RERE: variants seen among roughly 807,000 people sequenced by gnomAD.
RERE encodes the protein arginine-glutamic acid dipeptide repeats protein.
RERE carries 40 observed loss-of-function variants against 146.1 expected under a neutral mutation model. That is an observed-to-expected ratio of 0.27 (90% CI 0.21 to 0.36). The LOEUF (loss-of-function observed/expected upper bound fraction) is 0.36, where lower values mean the gene tolerates loss of function less well. RERE is among the 10% of genes least tolerant of loss of function. RERE has a pLI of 1.00. For missense variants in RERE, 1,933 were observed against 2,138.7 expected, an observed-to-expected ratio of 0.90 and a Z score of 1.90; for synonymous variants, 1,003 against 866.0, an observed-to-expected ratio of 1.16 and a Z score of -2.78.
intron 7 of RERE, among the ~76,000 whole-genome samples, chr1:8,517,395 T>C (rs1645434483): frequency 6.6e-6 from 1 of 152,210 alleles, no homozygotes; most frequent in Non-Finnish European, 1.5e-5. Context: ...ATTTATTTTT[T>C]CCTTATGTTT....
At chr1:8,559,280 C>CAAAAAAAA (rs548075266) in intron 4 of RERE, among the ~76,000 whole-genome samples, 28 of 12,064 alleles carry the variant, frequency 2.3e-3, no homozygotes, top group East Asian at 7.1e-3. Context: ...AACTCCAGCT[C>CAAAAAAAA]AAAAAAAAAA....
chr1:8,701,320 ACACG>A (rs1235865373), intron 1 of RERE, among the ~76,000 whole-genome samples: 5,685 of 32,504 alleles, frequency 0.17, 157 homozygotes, highest in African/African-American at 0.35. Flanking sequence ...ACACACACAC[ACACG>A]CACACACTCC....
Position 8,364,350 on chromosome 1 carries a change from C to A in RERE, c.1541-95G>T, listed in dbSNP as rs72864281. ...GGCCCTTCTGTGGGCTCTACCCAAACCTGATGCCACCAGCACCATGCAGCC... is the reference window on the plus strand; with the variant it reads ...GGCCCTTCTGTGGGCTCTACCCAAAACTGATGCCACCAGCACCATGCAGCC... On this transcript the variant is annotated intron_variant, in intron 14 of 22. Coordinates refer to ENST00000400908, the MANE Select transcript of RERE (RefSeq NM_001042681.2). This position sits in a 1 kb window ranked among gnomAD's most constrained non-coding sequence, Gnocchi z 5.1. 5,249 of 1,061,216 alleles carry A rather than the reference C, an allele frequency of 4.9e-3. 189 individuals carry two copies. In the African/African-American group the frequency reaches 0.073, roughly 15 times the overall value. 65.7% of individuals were successfully genotyped at this position (1,061,216 alleles called of 1,614,324 possible).
At chr1:8,391,632 G>A (rs568241323) in intron 12 of RERE, among the ~76,000 whole-genome samples, 1 of 152,124 alleles carries the variant, frequency 6.6e-6, no homozygotes, top group East Asian at 1.9e-4. Context: ...CTTAAGTTAG[G>A]TCCCCCTGTT....
chr1:8,711,170 A>C (rs1452565792), intron 1 of RERE, among the ~76,000 whole-genome samples: 1 of 150,130 alleles, frequency 6.7e-6, no homozygotes, highest in African/African-American at 2.4e-5. Flanking sequence ...AAAAAAAAAA[A>C]AAAAAAAAAA....
intron 11 of RERE, among the ~76,000 whole-genome samples, chr1:8,443,031 A>C (rs112198743): frequency 1.3e-5 from 2 of 152,354 alleles, no homozygotes; most frequent in African/African-American, 4.8e-5. Flanking sequence ...CAAAGTATTC[A>C]AGATGTGACC....
intron 3 of RERE, among the ~76,000 whole-genome samples, chr1:8,617,451 T>C (rs1487435720): frequency 2.6e-5 from 4 of 151,692 alleles, no homozygotes; most frequent in South Asian, 2.1e-4. Context: ...TTGGATATAA[T>C]AGCTGAAAAT....
At chr1:8,570,610 T>C (rs963868920) in intron 4 of RERE, among the ~76,000 whole-genome samples, 10 of 152,164 alleles carry the variant, frequency 6.6e-5, no homozygotes, top group African/African-American at 2.2e-4. Context: ...TTTTGTGGAA[T>C]GCACTGTACA....
At chr1:8,573,303 T>C (rs185854279) in intron 4 of RERE, among the ~76,000 whole-genome samples, 19 of 152,198 alleles carry the variant, frequency 1.2e-4, no homozygotes, top group African/African-American at 4.6e-4. Flanking sequence ...TCACTGATCA[T>C]TCCCATCCAG....
intron 1 of RERE, among the ~76,000 whole-genome samples, chr1:8,765,591 G>C (rs1467524972): frequency 1.3e-5 from 2 of 152,170 alleles, no homozygotes; most frequent in African/African-American, 4.8e-5. Flanking sequence ...GGCTGAGGTG[G>C]ATGGATCACC....
At chr1:8,669,351 T>G (rs1172303928) in intron 1 of RERE, among the ~76,000 whole-genome samples, 4 of 152,152 alleles carry the variant, frequency 2.6e-5, no homozygotes, top group Non-Finnish European at 5.9e-5. Flanking sequence ...CCGCCCGCCT[T>G]GGCCTCCAAA....
At position 8,536,487 on chromosome 1, in the gene RERE, C is replaced by T. The variant is rs543067685; in HGVS notation, c.830+4727G>A. ...CCCTATGGTCATCTCTTTTTGTAAG[C>T]TAAGACCAATCTATTTTATATTTTA... On this transcript the variant is annotated intron_variant, in intron 7 of 22. Coordinates refer to ENST00000400908, the MANE Select transcript of RERE (RefSeq NM_001042681.2). Among the ~76,000 whole-genome samples the T allele has an allele frequency of 7.9e-5, 12 of 152,302 alleles. No individual in the cohort carries two copies. The East Asian group carries it at 1.5e-3, about 20-fold the overall frequency.
chr1:8,560,771 A>T (rs1646069023), intron 4 of RERE, among the ~76,000 whole-genome samples: 1 of 152,188 alleles, frequency 6.6e-6, no homozygotes, highest in Non-Finnish European at 1.5e-5. Context: ...TGTGGGAGTT[A>T]CTTCTTCACC....
At chr1:8,552,409 CT>C (rs1473245069) in intron 6 of RERE, among the ~76,000 whole-genome samples, 1 of 152,166 alleles carries the variant, frequency 6.6e-6, no homozygotes, top group African/African-American at 2.4e-5. Context: ...CATGATCAGT[CT>C]TTTTCTTTTT....
chr1:8,733,936 T>C (rs1359584599), intron 1 of RERE, among the ~76,000 whole-genome samples: 2 of 152,134 alleles, frequency 1.3e-5, no homozygotes, highest in African/African-American at 4.8e-5. Context: ...ACCCCATCTC[T>C]ACTAAAAGAC....
chr1:8,528,676 T>A (rs1345374357), intron 7 of RERE, among the ~76,000 whole-genome samples: 2 of 152,050 alleles, frequency 1.3e-5, no homozygotes, highest in Non-Finnish European at 2.9e-5. Context: ...ATTTTTGGAT[T>A]AAGGATATAG....
At chr1:8,703,849 G>A (rs1174028385) in intron 1 of RERE, among the ~76,000 whole-genome samples, 3 of 152,110 alleles carry the variant, frequency 2.0e-5, no homozygotes, top group African/African-American at 7.2e-5. Context: ...AGATGCACCG[G>A]GAGAAAGCAG....
rs1353131074 is a variant in RERE, at chr1:8,817,147, G to A, written c.-145+13C>T. 1 of 152,300 alleles carries A rather than the reference G, an allele frequency of 6.6e-6. No individual in the cohort carries two copies. The highest frequency in any genetic ancestry group is 1.5e-5 in the Non-Finnish European group (1 of 68,086). The allele number at this position is 152,300 out of a possible 1,614,324, so 9.4% of individuals were successfully genotyped here. On this transcript the variant is annotated intron_variant, in intron 1 of 22. Coordinates refer to ENST00000400908, the MANE Select transcript of RERE (RefSeq NM_001042681.2). ...AAAGCACACGACCCGGCGCGGGCAAGTTGGACACTTACCTTCCCCTAAAGC... is the reference window on the plus strand; with the variant it reads ...AAAGCACACGACCCGGCGCGGGCAAATTGGACACTTACCTTCCCCTAAAGC...
At chr1:8,462,834 T>C (rs553003014) in intron 11 of RERE, among the ~76,000 whole-genome samples, 8 of 152,182 alleles carry the variant, frequency 5.3e-5, no homozygotes, top group African/African-American at 1.9e-4. Context: ...AGCCCAACAG[T>C]TTGAGTCCAG....
Sources: gnomAD v4.1 joint callset for allele counts (sites outside exome capture counted in the v4.1 genomes callset) on GRCh38, gnomAD v4.1.1 for gene constraint, Gnocchi (gnomAD v3.1) non-coding constraint, MANE v1.5 for transcripts, NCBI Gene and HGNC (gene_info 2026-07-23, HGNC 2026-07-21) for gene names.